Variants in ZNF521 observed in about 807,000 individuals in gnomAD.
The protein encoded by ZNF521 is zinc finger protein 521, also known as LYST-interacting protein 3.
Under a neutral mutation model 105.5 loss-of-function variants are expected in ZNF521, and 14 were observed. The ratio of observed to expected loss-of-function variants is 0.13; its 90% CI spans 0.09 to 0.21. The LOEUF is 0.21. ZNF521 is among the 10% of genes least tolerant of loss of function. The pLI is 1.00. For missense variants in ZNF521, 1,233 were observed against 1,629.7 expected, an observed-to-expected ratio of 0.76 and a Z score of 4.19; for synonymous variants, 635 against 606.0, an observed-to-expected ratio of 1.05 and a Z score of -0.70.
chr18:25,257,153 A>G (rs1026935308), intron 3 of ZNF521, among the ~76,000 whole-genome samples: 5 of 152,160 alleles, frequency 3.3e-5, no homozygotes, highest in Admixed American at 2.0e-4. Flanking sequence ...TGTTGCTTTG[A>G]GGAAAGTGGA....
intron 3 of ZNF521, among the ~76,000 whole-genome samples, chr18:25,279,916 T>A (rs762683614): frequency 6.6e-5 from 10 of 152,344 alleles, no homozygotes; most frequent in Non-Finnish European, 1.5e-4. Flanking sequence ...TATAGCCTCA[T>A]AAATTATAGG....
chr18:25,135,248 A>G (rs1245778542), intron 5 of ZNF521, among the ~76,000 whole-genome samples: 2 of 151,426 alleles, frequency 1.3e-5, no homozygotes, highest in Non-Finnish European at 2.9e-5. Flanking sequence ...CTTATTTTAT[A>G]TATGTACACA....
intron 5 of ZNF521, among the ~76,000 whole-genome samples, chr18:25,161,968 C>T (rs2035259509): frequency 1.3e-5 from 2 of 152,142 alleles, no homozygotes; most frequent in Admixed American, 6.6e-5. Flanking sequence ...TGGGAACTAC[C>T]TTCTGTGGGA....
intron 3 of ZNF521, among the ~76,000 whole-genome samples, chr18:25,267,611 C>A (rs1909360431): frequency 6.6e-6 from 1 of 152,174 alleles, no homozygotes; most frequent in Admixed American, 6.5e-5. Flanking sequence ...GTTCCGCAGC[C>A]TCTGCTGGTG....
At chr18:25,111,201 T>C (rs541852662) in intron 5 of ZNF521, among the ~76,000 whole-genome samples, 51 of 152,262 alleles carry the variant, frequency 3.3e-4, no homozygotes, top group Admixed American at 5.9e-4. Flanking sequence ...TGACCTCTAC[T>C]TGGCCTTCCC....
intron 6 of ZNF521, among the ~76,000 whole-genome samples, chr18:25,090,697 A>T (rs1417644056): frequency 6.6e-6 from 1 of 152,198 alleles, no homozygotes; most frequent in African/African-American, 2.4e-5. Context: ...CATATAACTC[A>T]GTACATTTTA....
At chr18:25,160,022 T>C (rs1436164666) in intron 5 of ZNF521, among the ~76,000 whole-genome samples, 1 of 152,072 alleles carries the variant, frequency 6.6e-6, no homozygotes, top group Non-Finnish European at 1.5e-5. Flanking sequence ...AGGAAATACT[T>C]TGGAAGTTCT....
At chr18:25,230,570 T>C (rs988511504) in intron 3 of ZNF521, among the ~76,000 whole-genome samples, 1 of 151,268 alleles carries the variant, frequency 6.6e-6, no homozygotes, top group African/African-American at 2.4e-5. Context: ...GTTTAAACGA[T>C]GTCAATTTCT....
intron 5 of ZNF521, among the ~76,000 whole-genome samples, chr18:25,168,520 A>C (rs1319392295): frequency 6.6e-6 from 1 of 152,170 alleles, no homozygotes; most frequent in Non-Finnish European, 1.5e-5. Flanking sequence ...AGAGGCACAG[A>C]CTTCCCAACA....
chr18:25,304,596 C>T (rs573171021), intron 3 of ZNF521, among the ~76,000 whole-genome samples: 83 of 152,236 alleles, frequency 5.5e-4, no homozygotes, highest in South Asian at 1.9e-3. Context: ...CAGAATTTGA[C>T]CTCGGGGTCT....
intron 3 of ZNF521, among the ~76,000 whole-genome samples, chr18:25,229,259 C>T (rs182498372): frequency 2.0e-5 from 3 of 152,328 alleles, no homozygotes; most frequent in East Asian, 1.9e-4. Flanking sequence ...TTTCCTGCAT[C>T]TAGAAACTGA....
chr18:25,089,588 G>A lies in ZNF521; in HGVS notation c.3791-8C>T. 1 of 1,606,606 alleles carries A rather than the reference G, an allele frequency of 6.2e-7. No homozygotes were observed. The highest frequency in any genetic ancestry group is 1.1e-5 in the South Asian group (1 of 90,892). On this transcript the variant is annotated splice_region_variant and splice_polypyrimidine_tract_variant and intron_variant, in intron 6 of 7. Transcript: ENST00000361524. ...TGTTTGCTTGAACAAATACTGAAAT[G>A]ATAAAAGAATGATGAACTTGGGTTA...
At chr18:25,330,420 G>A (rs1179587855) in intron 2 of ZNF521, among the ~76,000 whole-genome samples, 2 of 151,672 alleles carry the variant, frequency 1.3e-5, no homozygotes, top group African/African-American at 4.8e-5. Context: ...CGCCTCAGCT[G>A]CCCAAAGTGC....
chr18:25,239,544 A>G (rs945919400), intron 3 of ZNF521, among the ~76,000 whole-genome samples: 2 of 152,238 alleles, frequency 1.3e-5, no homozygotes, highest in African/African-American at 2.4e-5. Context: ...AAGCAAATGA[A>G]TATCTGGAGT....
At chr18:25,080,451 G>A (rs1170113807) in intron 7 of ZNF521, among the ~76,000 whole-genome samples, 1 of 152,190 alleles carries the variant, frequency 6.6e-6, no homozygotes, top group Non-Finnish European at 1.5e-5. Flanking sequence ...GGCAGAGCCT[G>A]TTCCAAGCTG....
chr18:25,118,867 T>C (rs2034380010), intron 5 of ZNF521, among the ~76,000 whole-genome samples: 1 of 152,096 alleles, frequency 6.6e-6, no homozygotes, highest in Admixed American at 6.5e-5. Flanking sequence ...GCTCCAACTA[T>C]ATGATGTCTA....
intron 2 of ZNF521, among the ~76,000 whole-genome samples, chr18:25,336,896 C>T (rs1913921359): frequency 6.6e-6 from 1 of 152,192 alleles, no homozygotes; most frequent in Non-Finnish European, 1.5e-5. Flanking sequence ...ATCTACCAGA[C>T]ACTATTCTAA....
Position 25,293,447 on chromosome 18 carries a change from T to C in ZNF521, c.220+28561A>G, listed in dbSNP as rs116059186. On this transcript the variant is annotated intron_variant, in intron 3 of 7. Transcript: ENST00000361524. ...TTACCAAGAAATTTACACTAGAGAA[T>C]CAATCAATCATTGCTCCAGGAGTAC... 5.1e-3 allele frequency among the ~76,000 whole-genome samples: 774 copies of C among 151,884 alleles called. 5 individuals carry two copies. The highest frequency in any genetic ancestry group is 0.017 in the African/African-American group (704 of 41,346).
intron 5 of ZNF521, among the ~76,000 whole-genome samples, chr18:25,143,266 C>T (rs2034883776): frequency 6.6e-6 from 1 of 152,094 alleles, no homozygotes; most frequent in Admixed American, 6.6e-5. Context: ...AGGAGTTTCC[C>T]TAATAACTGT....
Sources: gnomAD v4.1 joint callset for allele counts (sites outside exome capture counted in the v4.1 genomes callset) on GRCh38, gnomAD v4.1.1 for gene constraint, MANE v1.5 for transcripts, NCBI Gene and HGNC (gene_info 2026-07-23, HGNC 2026-07-21) for gene names.